Variants in SH2D4B observed in about 807,000 individuals in gnomAD.
SH2D4B encodes SH2 domain containing 4B.
Under a neutral mutation model 61.5 loss-of-function variants are expected in SH2D4B, and 45 were observed. The observed-to-expected ratio is 0.73, with a 90% CI of 0.58 to 0.94. The LOEUF is 0.94. Among genes scored for constraint, SH2D4B ranks in the 40% least tolerant of loss-of-function variants. SH2D4B has a pLI of 0.00. For synonymous variants in SH2D4B, 224 were observed against 220.4 expected (o/e 1.02, Z -0.14); for missense variants, 572 against 574.2 (o/e 1.00, Z 0.04).
At chr10:80,587,522 G>T (rs897390334) in intron 3 of SH2D4B, among the ~76,000 whole-genome samples, 1 of 151,962 alleles carries the variant, frequency 6.6e-6, no homozygotes. Context: ...CAGGTGATCC[G>T]CCTGCCTTGG....
chr10:80,605,536 A>G (rs1394089501), intron 5 of SH2D4B, among the ~76,000 whole-genome samples: 2 of 152,024 alleles, frequency 1.3e-5, no homozygotes. Flanking sequence ...TTGTTTTGAG[A>G]CGGAGTCTCA....
intron 1 of SH2D4B, among the ~76,000 whole-genome samples, chr10:80,565,270 C>T (rs1338532024): frequency 2.0e-5 from 3 of 152,186 alleles, no homozygotes; most frequent in Non-Finnish European, 4.4e-5. Context: ...CACTATCTAA[C>T]TTTATTTTTG....
chr10:80,566,868 C>T (rs1438182243), intron 1 of SH2D4B, among the ~76,000 whole-genome samples: 1 of 152,176 alleles, frequency 6.6e-6, no homozygotes, highest in East Asian at 1.9e-4. Context: ...GGTTGCCTCT[C>T]TGTTTCTATC....
chr10:80,570,355 T>C (rs764278039), intron 2 of SH2D4B, 39 bp downstream of exon 2: 3 of 1,606,714 alleles, frequency 1.9e-6, no homozygotes, highest in Non-Finnish European at 2.5e-6. Context: ...GGCCTAGGCA[T>C]GGAAGCTATG....
At chr10:80,616,321 T>C (rs1842659882) in intron 6 of SH2D4B, among the ~76,000 whole-genome samples, 3 of 152,200 alleles carry the variant, frequency 2.0e-5, no homozygotes, top group African/African-American at 7.2e-5. Context: ...TGCAAAACTT[T>C]CTAAAGGAGA....
At chr10:80,544,553 C>G (rs900287356) in intron 1 of SH2D4B, among the ~76,000 whole-genome samples, 1 of 152,262 alleles carries the variant, frequency 6.6e-6, no homozygotes, top group East Asian at 1.9e-4. Flanking sequence ...CCAGTAGCCA[C>G]GGCAACCTTG....
intron 6 of SH2D4B, among the ~76,000 whole-genome samples, chr10:80,612,034 A>G (rs1842607186): frequency 6.6e-6 from 1 of 152,082 alleles, no homozygotes; most frequent in South Asian, 2.1e-4. Context: ...ACTGTGTCAT[A>G]TTCTAAGATT....
At chr10:80,638,416 T>C (rs1419591820) in intron 7 of SH2D4B, among the ~76,000 whole-genome samples, 1 of 152,238 alleles carries the variant, frequency 6.6e-6, no homozygotes, top group Non-Finnish European at 1.5e-5. Flanking sequence ...CGTGTGGTCC[T>C]GGACTTTTTT....
intron 5 of SH2D4B, among the ~76,000 whole-genome samples, chr10:80,604,791 G>GTTTTT (rs34202612): frequency 2.7e-5 from 4 of 148,210 alleles, no homozygotes; most frequent in Admixed American, 6.7e-5. Context: ...ACTGTTCTTA[G>GTTTTT]TTTTTTTTTT....
intron 4 of SH2D4B, 71 bp downstream of exon 4, chr10:80,588,848 G>A: frequency 6.4e-7 from 1 of 1,566,148 alleles, no homozygotes; most frequent in Non-Finnish European, 8.7e-7. Flanking sequence ...CAATGCTGAT[G>A]TACTCATTCG....
chr10:80,566,706 G>A (rs796096729), intron 1 of SH2D4B, among the ~76,000 whole-genome samples: 8 of 152,272 alleles, frequency 5.3e-5, no homozygotes, highest in African/African-American at 1.7e-4. Context: ...TGAGGCAAGC[G>A]TGGAGGGTGG....
chr10:80,624,004 A>T (rs1842745698), intron 6 of SH2D4B, among the ~76,000 whole-genome samples: 1 of 151,812 alleles, frequency 6.6e-6, no homozygotes, highest in South Asian at 2.1e-4. Context: ...TTATTTAACG[A>T]CGGGGGCTGA....
chr10:80,564,769 C>G (rs1278313681), intron 1 of SH2D4B, among the ~76,000 whole-genome samples: 4 of 152,246 alleles, frequency 2.6e-5, no homozygotes, highest in Non-Finnish European at 5.9e-5. Flanking sequence ...ATATCTCCAG[C>G]CTCTTTCTTC....
At chr10:80,572,864 C>G (rs372159532) in intron 3 of SH2D4B, among the ~76,000 whole-genome samples, 2 of 144,792 alleles carry the variant, frequency 1.4e-5, no homozygotes, top group African/African-American at 5.1e-5. Context: ...GTGATCTGCC[C>G]GCCTCAGCCT....
At chr10:80,585,907 C>T (rs34965541) in intron 3 of SH2D4B, among the ~76,000 whole-genome samples, 14,690 of 151,744 alleles carry the variant, frequency 0.097, 832 homozygotes, top group Admixed American at 0.14. Context: ...CGGGGCTGCA[C>T]GTGGCGCTTG....
intron 4 of SH2D4B, among the ~76,000 whole-genome samples, chr10:80,601,209 T>C (rs1842449359): frequency 6.6e-6 from 1 of 152,128 alleles, no homozygotes; most frequent in Non-Finnish European, 1.5e-5. Context: ...GCCTCTTCCC[T>C]TTTCTTTCTC....
chr10:80,632,826 C>T (rs547241922), intron 6 of SH2D4B, among the ~76,000 whole-genome samples: 5 of 152,046 alleles, frequency 3.3e-5, no homozygotes, highest in Admixed American at 3.3e-4. Context: ...CTTGCATGGG[C>T]CAGTGTTTAT....
chr10:80,597,191 G>A (rs1451108761), intron 4 of SH2D4B, among the ~76,000 whole-genome samples: 2 of 152,040 alleles, frequency 1.3e-5, no homozygotes, highest in African/African-American at 2.4e-5. Flanking sequence ...TGGAGGAGGG[G>A]TTTCCTTGAA....
At chr10:80,600,272 G>A (rs1842436205) in intron 4 of SH2D4B, among the ~76,000 whole-genome samples, 1 of 152,216 alleles carries the variant, frequency 6.6e-6, no homozygotes, top group African/African-American at 2.4e-5. Context: ...TTAATTTTCA[G>A]GGACATTGTT....
Sources: gnomAD v4.1 joint callset for allele counts (sites outside exome capture counted in the v4.1 genomes callset) on GRCh38, gnomAD v4.1.1 for gene constraint, MANE v1.5 for transcripts, NCBI Gene and HGNC (gene_info 2026-07-23, HGNC 2026-07-21) for gene names.